MGAT4C: variants seen among roughly 807,000 people sequenced by gnomAD.
The protein encoded by MGAT4C is MGAT4 family member C, also known as alpha-1,3-mannosyl-glycoprotein 4-beta-N-acetylglucosaminyltransferase C.
A neutral mutation model predicts 40.1 loss-of-function variants in MGAT4C; 19 were observed. The ratio of observed to expected loss-of-function variants is 0.47; its 90% CI spans 0.33 to 0.70. The LOEUF (loss-of-function observed/expected upper bound fraction) is 0.70. Among genes scored for constraint, MGAT4C ranks in the 30% least tolerant of loss-of-function variants. The pLI is 0.02. For missense variants in MGAT4C, 491 were observed against 563.2 expected (o/e 0.87, Z 1.30); for synonymous variants, 181 against 187.1 (o/e 0.97, Z 0.27).
At position 85,957,682 on chromosome 12, in the gene MGAT4C, A is replaced by G. The variant is rs887633072; in HGVS notation, c.*21607T>C. The G allele has an allele frequency of 1.5e-5, 2 of 136,412 alleles. No homozygotes were observed. The highest frequency in any genetic ancestry group is 5.5e-5 in the African/African-American group (2 of 36,416). The allele number at this position is 136,412 out of a possible 1,614,324, so 8.5% of individuals were successfully genotyped here. ...CAAAAAAAAAAAAAAAAGAAAAAAG[A>G]AAAAAAAAATCTATCAATCCTGAAA... is the stretch of plus-strand genomic sequence containing the variant. On this transcript the variant is annotated 3_prime_UTR_variant, in exon 5 of 5. Coordinates refer to ENST00000611864, the MANE Select transcript of MGAT4C (RefSeq NM_001351288.2).
intron 3 of MGAT4C, among the ~76,000 whole-genome samples, chr12:86,360,833 AAG>A (rs1442744302): frequency 6.6e-6 from 1 of 151,884 alleles, no homozygotes; most frequent in African/African-American, 2.4e-5. Context: ...AACGAAATAA[AAG>A]AGGATACAAA....
At chr12:86,437,869 G>T (rs145972020) in intron 2 of MGAT4C, among the ~76,000 whole-genome samples, 2 of 151,750 alleles carry the variant, frequency 1.3e-5, no homozygotes, top group African/African-American at 4.8e-5. Context: ...TCAGACTACC[G>T]CACTGACCAG....
At position 85,961,744 on chromosome 12, in the gene MGAT4C, T is replaced by C. The variant is rs1883124231; in HGVS notation, c.*17545A>G. ...GCATGAGAGTTCCCACTTTGTATTA[T>C]AATAGGCAAATTGATACACACTTTT... On this transcript the variant is annotated 3_prime_UTR_variant, in exon 5 of 5. Transcript: ENST00000611864. 1 of 151,928 alleles carries C rather than the reference T, an allele frequency of 6.6e-6. No homozygotes were observed. Among genetic ancestry groups the C allele is most frequent in the Admixed American group, 6.6e-5 (1 of 15,226 alleles). 9.4% of individuals were successfully genotyped at this position (151,928 alleles called of 1,614,324 possible). A position where few individuals can be genotyped will look rare whatever the true frequency, so the allele number is the denominator to read the frequency against.
intron 1 of MGAT4C, among the ~76,000 whole-genome samples, chr12:86,127,047 C>T (rs1403731304): frequency 2.0e-5 from 3 of 152,124 alleles, no homozygotes; most frequent in Admixed American, 2.0e-4. Flanking sequence ...AATGCTGCAG[C>T]TGGTCTGACA....
At chr12:86,775,733 C>A (rs1426954807) in intron 1 of MGAT4C, among the ~76,000 whole-genome samples, 2 of 151,640 alleles carry the variant, frequency 1.3e-5, no homozygotes, top group Non-Finnish European at 2.9e-5. Flanking sequence ...GATAATGGTG[C>A]TCAAATGCAC....
chr12:86,242,735 C>G (rs965258992), intron 1 of MGAT4C, among the ~76,000 whole-genome samples: 3 of 152,050 alleles, frequency 2.0e-5, no homozygotes, highest in African/African-American at 4.8e-5. Context: ...TCCCATCCAA[C>G]CTTACCTTTA....
chr12:86,647,240 G>C (rs1479470433), intron 2 of MGAT4C, among the ~76,000 whole-genome samples: 1 of 151,866 alleles, frequency 6.6e-6, no homozygotes, highest in African/African-American at 2.4e-5. Context: ...TATTGTTCTT[G>C]TTTTGAGTCA....
At chr12:86,528,366 T>C (rs550093136) in intron 2 of MGAT4C, among the ~76,000 whole-genome samples, 1 of 152,214 alleles carries the variant, frequency 6.6e-6, no homozygotes, top group Admixed American at 6.5e-5. Flanking sequence ...CAAGGGATTT[T>C]ATATCTTTAA....
intron 1 of MGAT4C, among the ~76,000 whole-genome samples, chr12:86,819,287 G>C (rs931083850): frequency 5.3e-5 from 8 of 150,766 alleles, no homozygotes; most frequent in Non-Finnish European, 8.9e-5. Context: ...CTAGTAAGTG[G>C]TTCATATATG....
At chr12:86,713,679 T>C (rs548497953) in intron 2 of MGAT4C, among the ~76,000 whole-genome samples, 2 of 152,116 alleles carry the variant, frequency 1.3e-5, no homozygotes, top group Non-Finnish European at 2.9e-5. Flanking sequence ...GTTTTATATA[T>C]ATGAGTTCAT....
intron 1 of MGAT4C, among the ~76,000 whole-genome samples, chr12:86,743,724 CCT>C (rs759464444): frequency 6.6e-6 from 1 of 151,650 alleles, no homozygotes; most frequent in Non-Finnish European, 1.5e-5. Context: ...ATCCCAGATA[CCT>C]CTTTGGTCTT....
chr12:86,572,918 G>C (rs943055459), intron 2 of MGAT4C, among the ~76,000 whole-genome samples: 9 of 151,890 alleles, frequency 5.9e-5, no homozygotes, highest in African/African-American at 1.9e-4. Flanking sequence ...TTGAGGGCAA[G>C]GGGCTTTTGT....
At chr12:86,574,955 C>A (rs1005861709) in intron 2 of MGAT4C, among the ~76,000 whole-genome samples, 1 of 151,642 alleles carries the variant, frequency 6.6e-6, no homozygotes, top group Non-Finnish European at 1.5e-5. Flanking sequence ...TGAAATATAC[C>A]AGTATGCTAA....
chr12:86,220,583 C>A (rs1021485262), intron 1 of MGAT4C, among the ~76,000 whole-genome samples: 2 of 152,144 alleles, frequency 1.3e-5, no homozygotes, highest in Admixed American at 1.3e-4. Flanking sequence ...ACTAGTGCTT[C>A]CCTACTGTGA....
At chr12:86,327,887 C>T (rs1039420098) in intron 4 of MGAT4C, among the ~76,000 whole-genome samples, 2 of 152,198 alleles carry the variant, frequency 1.3e-5, no homozygotes, top group Admixed American at 6.5e-5. Flanking sequence ...ATTTATCTTT[C>T]CCCACTGACA....
At chr12:86,812,745 C>A (rs1343401935) in intron 1 of MGAT4C, among the ~76,000 whole-genome samples, 1 of 152,072 alleles carries the variant, frequency 6.6e-6, no homozygotes, top group African/African-American at 2.4e-5. Context: ...GGAAGAGTCT[C>A]AGGTCTACTA....
intron 1 of MGAT4C, among the ~76,000 whole-genome samples, chr12:86,245,020 T>C (rs1325801868): frequency 2.6e-5 from 4 of 152,194 alleles, no homozygotes; most frequent in Non-Finnish European, 4.4e-5. Flanking sequence ...TTAAATTCTC[T>C]GCTCATAGTC....
At chr12:86,092,922 C>T (rs181399650) in intron 1 of MGAT4C, among the ~76,000 whole-genome samples, 185 of 151,882 alleles carry the variant, frequency 1.2e-3, no homozygotes, top group African/African-American at 4.1e-3. Flanking sequence ...TTGTTACATA[C>T]GTATACATGT....
At chr12:86,330,194 A>T (rs1432019078) in intron 4 of MGAT4C, among the ~76,000 whole-genome samples, 2 of 152,182 alleles carry the variant, frequency 1.3e-5, no homozygotes, top group African/African-American at 4.8e-5. Context: ...TAGGGTAGGA[A>T]TGTTACACAA....
Sources: allele counts gnomAD v4.1 joint callset (sites outside exome capture counted in the v4.1 genomes callset), GRCh38; gene constraint gnomAD v4.1.1; transcripts MANE v1.5; gene names NCBI Gene and HGNC (gene_info 2026-07-23, HGNC 2026-07-21).